ZNF292: variants seen among roughly 807,000 people sequenced by gnomAD.
ZNF292 encodes zinc finger protein 292.
Under a neutral mutation model 217.9 loss-of-function variants are expected in ZNF292, and 26 were observed. The observed-to-expected ratio is 0.12, with a 90% CI of 0.09 to 0.17. ZNF292 has a LOEUF of 0.17. Ranked by LOEUF, ZNF292 falls within the 10% of genes least tolerant of loss-of-function variation. The probability of loss-of-function intolerance (pLI) is 1.00; values close to 1 mark genes in which losing one functional copy is unlikely to be tolerated. For missense variants in ZNF292, 2,904 were observed against 3,175.2 expected (o/e 0.91, Z 2.05); for synonymous variants, 1,257 against 1,124.1 (o/e 1.12, Z -2.37).
At position 87,259,803 on chromosome 6, in the gene ZNF292, A is replaced by G. The variant is rs748842223; in HGVS notation, c.6174A>G (p.Gln2058=). ...CTGACAAAACAGAAAGTTCTTTACA[A>G]GTGATTACAGTTACTTCAGAACAAT... ...KSPDKTESSL[Q]VITVTSEQCN... is the part of the protein sequence containing the mutation. The change falls in exon 8 of 8, where the codon CAA becomes CAG. Residue 2058 remains glutamine (Q), a synonymous_variant. Transcript: ENST00000369577. 2 of 1,609,678 alleles carry G rather than the reference A, an allele frequency of 1.2e-6. No individual in the cohort carries two copies. The highest frequency in any genetic ancestry group is 1.1e-5 in the South Asian group (1 of 90,604).
At position 87,255,887 on chromosome 6, in the gene ZNF292, T is replaced by C. The variant is rs770183170; in HGVS notation, c.2258T>C (p.Ile753Thr). 26 of 1,613,706 alleles carry C rather than the reference T, an allele frequency of 1.6e-5. No homozygotes were observed. Among genetic ancestry groups the C allele is most frequent in the Non-Finnish European group, 2.2e-5 (26 of 1,179,864 alleles). The change falls in exon 8 of 8, where the codon ATA becomes ACA. Residue 753 changes from isoleucine to threonine, a missense_variant. This residue lies in a region of ZNF292 where 216 missense variants were observed against 308.3 expected (regional missense o/e 0.70). Transcript: ENST00000369577. ...TGTGGCAGTAAACCATATATCTGTA[T>C]ACAGATGAAATGTAAAGCTGGTTTT... ...MHCGSKPYIC[I>T]QMKCKAGFNS...
intron 5 of ZNF292, among the ~76,000 whole-genome samples, chr6:87,239,592 C>T (rs1346763032): frequency 6.8e-5 from 10 of 146,474 alleles, no homozygotes; most frequent in African/African-American, 1.0e-4. Flanking sequence ...ACTTCCCAGA[C>T]GGGGCGGCTG....
intron 1 of ZNF292, chr6:87,174,387 TC>T (rs11324077): frequency 0.54 from 81,401 of 151,960 alleles, 22,226 homozygotes; most frequent in Admixed American, 0.62. Flanking sequence ...ATAGGGAAAC[TC>T]CCTTTTCTCC....
intron 1 of ZNF292, among the ~76,000 whole-genome samples, chr6:87,205,602 A>G (rs551956979): frequency 2.0e-5 from 3 of 152,046 alleles, no homozygotes; most frequent in Admixed American, 6.5e-5. Context: ...ATATTATTCA[A>G]TATATTTTGA....
chr6:87,157,091 A>G (rs1770568185), intron 1 of ZNF292, among the ~76,000 whole-genome samples: 1 of 152,208 alleles, frequency 6.6e-6, no homozygotes, highest in South Asian at 2.1e-4. Context: ...TTTCTTTATT[A>G]TGTCGGGGAT....
chr6:87,256,373 G>A lies in ZNF292; in HGVS notation c.2744G>A (p.Gly915Glu), dbSNP rs962383550. The part of the protein sequence containing the change: ...ISASELRQAN[G>E]PLSNGLENPA... ...GCCTCTGAGCTCAGGCAAGCTAATG[G>A]ACCATTGTCAAATGGTTTGGAAAAC... Residue 915 changes from glycine (G) to glutamate (E), a missense_variant, in exon 8 of 8, where the codon GGA (glycine) becomes GAA (glutamate). By Grantham distance (98) the Gly-to-Glu change is moderately conservative (BLOSUM62 -2). Coordinates refer to ENST00000369577, the MANE Select transcript of ZNF292 (RefSeq NM_015021.3). 5.0e-6 allele frequency: 8 copies of A among 1,610,000 alleles called. No homozygotes were observed. In the Middle Eastern group the frequency reaches 6.6e-4, roughly 133 times the overall value.
At chr6:87,230,508 C>T (rs888496111) in intron 4 of ZNF292, among the ~76,000 whole-genome samples, 1 of 151,892 alleles carries the variant, frequency 6.6e-6, no homozygotes, top group South Asian at 2.1e-4. Flanking sequence ...CTGAGGTGGG[C>T]GGATCACGAG....
rs1775756508 is a variant in ZNF292, at chr6:87,264,679, G to A, written c.*2878G>A. On this transcript the variant is annotated 3_prime_UTR_variant, in exon 8 of 8. Coordinates refer to ENST00000369577, the MANE Select transcript of ZNF292 (RefSeq NM_015021.3). ...TGCGGTATTGCCAGTGGGCCACTTG[G>A]AAAGATAGGAAGTTGAAGAAGGTGA... Among the ~76,000 whole-genome samples the A allele has an allele frequency of 6.6e-6, 1 of 152,192 alleles. No homozygotes were observed. Among genetic ancestry groups the A allele is most frequent in the Admixed American group, 6.5e-5 (1 of 15,278 alleles).
chr6:87,165,530 A>T (rs1456270305), intron 1 of ZNF292, among the ~76,000 whole-genome samples: 1 of 152,196 alleles, frequency 6.6e-6, no homozygotes, highest in Non-Finnish European at 1.5e-5. Flanking sequence ...TGTGTGGCAC[A>T]TTCAGTTTTT....
At chr6:87,200,312 T>G (rs1772068020) in intron 1 of ZNF292, among the ~76,000 whole-genome samples, 3 of 152,246 alleles carry the variant, frequency 2.0e-5, no homozygotes, top group Admixed American at 2.0e-4. Context: ...GAAAGTAAGT[T>G]CAAAGCCAGA....
intron 5 of ZNF292, among the ~76,000 whole-genome samples, chr6:87,241,513 G>A (rs1774285669): frequency 6.7e-6 from 1 of 148,574 alleles, no homozygotes; most frequent in East Asian, 2.0e-4. Context: ...CCACCTCCCA[G>A]ATGTAAGCGG....
intron 1 of ZNF292, among the ~76,000 whole-genome samples, chr6:87,200,237 G>A (rs1156929608): frequency 6.6e-6 from 1 of 152,158 alleles, no homozygotes; most frequent in African/African-American, 2.4e-5. Flanking sequence ...CATTATGACT[G>A]CTTGACTATG....
rs146394245 is a variant in ZNF292 at position 87,264,429 on chromosome 6, T to A, written c.*2628T>A. ...TTATTATTTTAAAGGGCTAGACATA[T>A]TTTTAAGGCAAATTTTTATCAAGTG... On this transcript the variant is annotated 3_prime_UTR_variant, in exon 8 of 8. Coordinates refer to ENST00000369577, the MANE Select transcript of ZNF292 (RefSeq NM_015021.3). Among the ~76,000 whole-genome samples, 551 of 152,360 alleles carry A rather than the reference T, an allele frequency of 3.6e-3. 2 individuals carry two copies. Among genetic ancestry groups the A allele is most frequent in the African/African-American group, 0.013 (530 of 41,582 alleles).
chr6:87,193,287 G>T (rs898503443), intron 1 of ZNF292, among the ~76,000 whole-genome samples: 4 of 152,156 alleles, frequency 2.6e-5, no homozygotes, highest in African/African-American at 9.7e-5. Context: ...TGGTATTCCT[G>T]CAATCCTAGC....
intron 1 of ZNF292, among the ~76,000 whole-genome samples, chr6:87,179,879 GCTAT>G (rs1383085424): frequency 1.2e-4 from 18 of 152,224 alleles, no homozygotes; most frequent in African/African-American, 2.9e-4. Flanking sequence ...TTTTTTTCAT[GCTAT>G]CTTTTAGTCA....
At chr6:87,245,865 T>C (rs1381608240) in intron 7 of ZNF292, among the ~76,000 whole-genome samples, 1 of 152,210 alleles carries the variant, frequency 6.6e-6, no homozygotes, top group African/African-American at 2.4e-5. Flanking sequence ...AAAAGTAATA[T>C]GTAATACTTA....
intron 1 of ZNF292, among the ~76,000 whole-genome samples, chr6:87,189,496 A>G (rs1283379815): frequency 6.6e-6 from 1 of 151,758 alleles, no homozygotes; most frequent in Non-Finnish European, 1.5e-5. Flanking sequence ...TACACATTAC[A>G]TTTGTAATAT....
At chr6:87,161,847 C>A (rs1011772690) in intron 1 of ZNF292, among the ~76,000 whole-genome samples, 11 of 152,156 alleles carry the variant, frequency 7.2e-5, no homozygotes, top group Non-Finnish European at 1.6e-4. Flanking sequence ...TCTAGAGTTC[C>A]AGTCTCATTT....
chr6:87,239,138 T>C (rs1774067684), intron 5 of ZNF292, among the ~76,000 whole-genome samples: 1 of 152,276 alleles, frequency 6.6e-6, no homozygotes, highest in Admixed American at 6.5e-5. Context: ...ATTTCCCCCT[T>C]TTCTATTCGA....
Sources: gnomAD v4.1 joint callset for allele counts (sites outside exome capture counted in the v4.1 genomes callset) on GRCh38, gnomAD v4.1.1 for gene constraint, gnomAD v4.1.1 regional missense constraint, MANE v1.5 for transcripts, NCBI Gene and HGNC (gene_info 2026-07-23, HGNC 2026-07-21) for gene names.